Variants in DCP1A observed in about 807,000 individuals in gnomAD.
DCP1A encodes decapping mRNA 1A, also known as mRNA-decapping enzyme 1A.
A neutral mutation model predicts 58.0 loss-of-function variants in DCP1A; 20 were observed. The ratio of observed to expected loss-of-function variants is 0.34; its 90% CI spans 0.24 to 0.50. DCP1A has a LOEUF of 0.50. Among genes scored for constraint, DCP1A ranks in the 20% least tolerant of loss-of-function variants. The pLI is 0.98. For synonymous variants in DCP1A, 285 were observed against 275.1 expected (o/e 1.04, Z -0.36); for missense variants, 613 against 712.2 (o/e 0.86, Z 1.59).
chr3:53,345,309 CTCTTT>C (rs782194959), intron 1 of DCP1A, among the ~76,000 whole-genome samples: 11 of 152,244 alleles, frequency 7.2e-5, no homozygotes, highest in East Asian at 1.9e-4. Flanking sequence ...GCAATTTCTT[CTCTTT>C]TAAGTTTATC....
At chr3:53,343,002 T>A (rs1376170731) in intron 2 of DCP1A, among the ~76,000 whole-genome samples, 1 of 152,202 alleles carries the variant, frequency 6.6e-6, no homozygotes, top group African/African-American at 2.4e-5. Flanking sequence ...AGACGGAAAA[T>A]GCCTTGAATC....
Position 53,347,509 on chromosome 3 carries a change from C to T in DCP1A, c.9G>A (p.Ala3=), listed in dbSNP as rs781917276. The T allele has an allele frequency of 6.8e-6, 11 of 1,611,144 alleles. No homozygotes were observed. The highest frequency in any genetic ancestry group is 6.7e-5 in the East Asian group (3 of 44,612). The change falls in exon 1 of 10, where the codon GCG becomes GCA. Residue 3 remains alanine (A), a synonymous_variant. Coordinates refer to ENST00000610213, the MANE Select transcript of DCP1A (RefSeq NM_018403.7). ...TCATCTCCTGCCCAGCTCGACTCAG[C>T]GCCTCCATCTTGAATCCCAGAGCCT... ME[A]LSRAGQEMSL...
Position 53,290,777 on chromosome 3 carries a change from A to G in DCP1A, c.1449+14T>C. 7.3e-7 allele frequency: 1 copy of G among 1,370,378 alleles called. No homozygotes were observed. Among genetic ancestry groups the G allele is most frequent in the Non-Finnish European group, 1.0e-6 (1 of 993,000 alleles). 84.9% of individuals were successfully genotyped at this position (1,370,378 alleles called of 1,614,324 possible). ...AAAAAAAAAAAAAAAAAAAAAAAAA[A>G]AGCGAGTCCTTACCGGGATGGCACT... On this transcript the variant is annotated intron_variant, in intron 8 of 9. Coordinates refer to ENST00000610213, the MANE Select transcript of DCP1A (RefSeq NM_018403.7).
At chr3:53,288,353 T>G in intron 8 of DCP1A, 70 bp from the exon 9 acceptor site, 1 of 1,255,602 alleles carries the variant, frequency 8.0e-7, no homozygotes, top group Non-Finnish European at 1.1e-6. Flanking sequence ...ATAGGGACCA[T>G]GTGGAAACAG....
chr3:53,298,008 A>C (rs1707185364), intron 6 of DCP1A, among the ~76,000 whole-genome samples: 2 of 152,228 alleles, frequency 1.3e-5, no homozygotes, highest in South Asian at 4.1e-4. Context: ...GCTTGAAGCC[A>C]GGAGTTTAAG....
At chr3:53,320,543 C>CT (rs1219339684) in intron 3 of DCP1A, among the ~76,000 whole-genome samples, 38 of 152,200 alleles carry the variant, frequency 2.5e-4, no homozygotes, top group African/African-American at 8.9e-4. Context: ...TATCATTATG[C>CT]TTTTTTTAAG....
intron 3 of DCP1A, among the ~76,000 whole-genome samples, chr3:53,323,222 T>G (rs531376108): frequency 1.1e-4 from 16 of 152,212 alleles, no homozygotes; most frequent in South Asian, 6.2e-4. Context: ...ACAAGTAATT[T>G]TGGAATGTTT....
rs1306600391 is a variant in DCP1A, at chr3:53,288,060, C to T, written c.1668+5G>A. ...AATCAAAGATAAAATTGGTATCCTA[C>T]ATACCTTTATTAGATGTATTAATGT... On this transcript the variant is annotated splice_donor_5th_base_variant and intron_variant, in intron 9 of 9. Coordinates refer to ENST00000610213, the MANE Select transcript of DCP1A (RefSeq NM_018403.7). The T allele has an allele frequency of 6.2e-7, 1 of 1,607,402 alleles. No individual in the cohort carries two copies. The highest frequency in any genetic ancestry group is 1.3e-5 in the African/African-American group (1 of 74,726).
At chr3:53,322,814 T>C (rs1295180915) in intron 3 of DCP1A, among the ~76,000 whole-genome samples, 2 of 134,552 alleles carry the variant, frequency 1.5e-5, no homozygotes, top group East Asian at 2.1e-4. Context: ...GTTTGTTTGC[T>C]TTTTTTTTTT....
intron 2 of DCP1A, among the ~76,000 whole-genome samples, chr3:53,344,388 T>A (rs1346892729): frequency 2.0e-5 from 3 of 152,154 alleles, no homozygotes; most frequent in Non-Finnish European, 4.4e-5. Flanking sequence ...AAATAAAAAA[T>A]ACGCCATCAT....
chr3:53,342,137 T>C lies in DCP1A; in HGVS notation c.304+7A>G. On this transcript the variant is annotated splice_region_variant and intron_variant, in intron 3 of 9. Coordinates refer to ENST00000610213, the MANE Select transcript of DCP1A (RefSeq NM_018403.7). The stretch of plus-strand genomic sequence containing the variant: ...TGTAATAACTATAATAAAACAGATA[T>C]ACTCACAGCTTGCATTTCTATACAG... 6.3e-7 allele frequency: 1 copy of C among 1,591,902 alleles called. No homozygotes were observed. The highest frequency in any genetic ancestry group is 8.6e-7 in the Non-Finnish European group (1 of 1,167,736).
Position 53,292,650 on chromosome 3 carries a change from C to A in DCP1A, c.802G>T (p.Ala268Ser). 1 of 1,613,600 alleles carries A rather than the reference C, an allele frequency of 6.2e-7. No homozygotes were observed. Among genetic ancestry groups the A allele is most frequent in the Non-Finnish European group, 8.5e-7 (1 of 1,179,718 alleles). ...ACACCCAGGGTTTCTGATTGAGGGG[C>A]TCCTCCTAACTGCTCAAAGGGAAAT... ...LPFPFEQLGGAPQSETLGVPS... is the reference protein window; with the variant it reads ...LPFPFEQLGGSPQSETLGVPS... Residue 268 changes from alanine (A) to serine (S), a missense_variant, in exon 7 of 10, where the codon GCC (alanine) becomes TCC (serine). Around this residue, in one of 3 missense-constraint regions of DCP1A, gnomAD observed 498 missense variants for 556.7 expected, o/e 0.89. Transcript: ENST00000610213.
At position 53,292,531 on chromosome 3, in the gene DCP1A, A is replaced by G. The variant is rs782717150; in HGVS notation, c.921T>C (p.Ala307=). Residue 307 remains alanine, a synonymous_variant, in exon 7 of 10, where the codon GCT becomes GCC. Transcript: ENST00000610213. ...GGCTCAACGGGATTGTGTAGGTTGG[A>G]GCATGCTTTTCATTGGACTGTGTGA... ...ASITQSNEKH[A]PTYTIPLSPV... 1 of 1,613,864 alleles carries G rather than the reference A, an allele frequency of 6.2e-7. No homozygotes were observed. The highest frequency in any genetic ancestry group is 1.1e-5 in the South Asian group (1 of 91,082).
intron 8 of DCP1A, among the ~76,000 whole-genome samples, chr3:53,289,120 C>A (rs1419936180): frequency 6.6e-6 from 1 of 151,294 alleles, no homozygotes; most frequent in African/African-American, 2.4e-5. Context: ...AAGCAATCCT[C>A]CCCCCATTTT....
intron 6 of DCP1A, among the ~76,000 whole-genome samples, chr3:53,293,475 T>C (rs1484852272): frequency 6.6e-6 from 1 of 152,206 alleles, no homozygotes; most frequent in Non-Finnish European, 1.5e-5. Flanking sequence ...TAACCTTTAT[T>C]TCCTGAGTAC....
At chr3:53,300,136 G>C (rs1428664328) in intron 6 of DCP1A, among the ~76,000 whole-genome samples, 5 of 152,104 alleles carry the variant, frequency 3.3e-5, no homozygotes, top group African/African-American at 1.2e-4. Context: ...AAAGTGCAAA[G>C]TGCTGGGATT....
At chr3:53,340,906 C>G (rs1365915057) in intron 3 of DCP1A, among the ~76,000 whole-genome samples, 1 of 152,166 alleles carries the variant, frequency 6.6e-6, no homozygotes, top group African/African-American at 2.4e-5. Flanking sequence ...TAGTCATAAT[C>G]CTAACTCTCC....
intron 8 of DCP1A, among the ~76,000 whole-genome samples, chr3:53,289,279 A>G (rs563826021): frequency 5.3e-5 from 8 of 150,944 alleles, no homozygotes; most frequent in Middle Eastern, 6.8e-3. Context: ...TCTGCATTTC[A>G]GTTTATGTAA....
At position 53,304,241 on chromosome 3, in the gene DCP1A, G is replaced by A; in HGVS notation, c.560C>T (p.Thr187Ile). ...NISSPGLQPS[T>I]QLSNLGSTET... ...GGTGCTTCCCAGATTGGAGAGCTGAGTGCTTGGCTGTAACCCAGGGCTGGA... is the reference window on the plus strand; with the variant it reads ...GGTGCTTCCCAGATTGGAGAGCTGAATGCTTGGCTGTAACCCAGGGCTGGA... Residue 187 changes from threonine to isoleucine, a missense_variant, in exon 6 of 10, where the codon ACT (threonine) becomes ATT (isoleucine). Thr to Ile is a moderately conservative substitution (Grantham distance 89). This residue lies in a region of DCP1A where 498 missense variants were observed against 556.7 expected (regional missense o/e 0.89). Transcript: ENST00000610213. The A allele has an allele frequency of 6.2e-7, 1 of 1,613,800 alleles. No homozygotes were observed. The highest frequency in any genetic ancestry group is 1.7e-5 in the Admixed American group (1 of 59,988).
Sources: gnomAD v4.1 joint callset for allele counts (sites outside exome capture counted in the v4.1 genomes callset) on GRCh38, gnomAD v4.1.1 for gene constraint, gnomAD v4.1.1 regional missense constraint, MANE v1.5 for transcripts, NCBI Gene and HGNC (gene_info 2026-07-23, HGNC 2026-07-21) for gene names.